Variants in CDH13 observed in about 807,000 individuals in gnomAD.
CDH13 encodes cadherin-13.
A neutral mutation model predicts 63.8 loss-of-function variants in CDH13; 24 were observed. That is an observed-to-expected ratio of 0.38 (90% CI 0.27 to 0.53). The LOEUF is 0.53. CDH13 is among the 20% of genes least tolerant of loss of function. The pLI is 0.85. For missense variants in CDH13, 1,049 were observed against 903.1 expected (o/e 1.16, Z -2.07); for synonymous variants, 503 against 355.3 (o/e 1.42, Z -4.67).
At chr16:83,390,035 G>A (rs1597901308) in intron 6 of CDH13, among the ~76,000 whole-genome samples, 1 of 147,870 alleles carries the variant, frequency 6.8e-6, no homozygotes, top group African/African-American at 2.6e-5. Flanking sequence ...TGCAGCTGGG[G>A]CCTTAGCTAC....
chr16:83,000,431 G>T (rs1306527950), intron 2 of CDH13, among the ~76,000 whole-genome samples: 1 of 150,238 alleles, frequency 6.7e-6, no homozygotes, highest in East Asian at 2.0e-4. Flanking sequence ...TGTATTTGTC[G>T]TAGAGACACG....
intron 5 of CDH13, among the ~76,000 whole-genome samples, chr16:83,241,631 C>T (rs7194115): frequency 0.99 from 150,702 of 152,332 alleles, 74,567 homozygotes; most frequent in Middle Eastern, 1. Context: ...GTATAACTTC[C>T]TTGGAGAATT....
intron 5 of CDH13, among the ~76,000 whole-genome samples, chr16:83,271,956 C>T (rs561413774): frequency 1.3e-5 from 2 of 152,326 alleles, no homozygotes; most frequent in Admixed American, 6.5e-5. Flanking sequence ...TGATCCAATA[C>T]ATCTCACATA....
At chr16:83,078,754 A>G (rs550844418) in intron 3 of CDH13, among the ~76,000 whole-genome samples, 2 of 152,274 alleles carry the variant, frequency 1.3e-5, no homozygotes, top group East Asian at 3.9e-4. Context: ...AATTCTTCCA[A>G]GTGTTTAGCC....
intron 4 of CDH13, among the ~76,000 whole-genome samples, chr16:83,174,361 T>C (rs1010147758): frequency 1.3e-5 from 2 of 152,156 alleles, no homozygotes; most frequent in African/African-American, 4.8e-5. Context: ...TTTTTCTTTT[T>C]AAGAGATTAA....
At chr16:83,526,315 A>T (rs763589826) in intron 7 of CDH13, among the ~76,000 whole-genome samples, 1 of 152,192 alleles carries the variant, frequency 6.6e-6, no homozygotes, top group Non-Finnish European at 1.5e-5. Context: ...TTGTAGCCTC[A>T]ATCAATAGTC....
At chr16:83,350,223 C>T (rs1345899084) in intron 6 of CDH13, among the ~76,000 whole-genome samples, 1 of 152,218 alleles carries the variant, frequency 6.6e-6, no homozygotes, top group Non-Finnish European at 1.5e-5. Flanking sequence ...GTTCGCTCTC[C>T]TGGCTTTTAG....
At chr16:83,106,434 G>T (rs912216144) in intron 3 of CDH13, among the ~76,000 whole-genome samples, 5 of 152,292 alleles carry the variant, frequency 3.3e-5, no homozygotes, top group Non-Finnish European at 7.4e-5. Flanking sequence ...CCAGCTACCT[G>T]GGAGGCTGAG....
intron 3 of CDH13, among the ~76,000 whole-genome samples, chr16:83,093,048 C>G (rs2033997317): frequency 6.6e-6 from 1 of 152,100 alleles, no homozygotes; most frequent in African/African-American, 2.4e-5. Flanking sequence ...TTTTTCTCTT[C>G]TTCATTATTA....
rs530736901 is a variant in CDH13 at position 83,118,038 on chromosome 16, G to A, written c.367-7347G>A. Among the ~76,000 whole-genome samples the A allele has an allele frequency of 3.9e-5, 6 of 152,282 alleles. No homozygotes were observed. The South Asian group carries it at 8.3e-4, about 21-fold the overall frequency. On this transcript the variant is annotated intron_variant, in intron 3 of 13. Transcript: ENST00000567109. ...CCTCCTCTAATAGAATCCAGCATGC[G>A]TGAGGCTCCCTGAAGACACAACACT...
chr16:83,570,344 C>G (rs777133324), intron 7 of CDH13, among the ~76,000 whole-genome samples: 1 of 152,148 alleles, frequency 6.6e-6, no homozygotes, highest in African/African-American at 2.4e-5. Context: ...ATCCCCACCT[C>G]TCACACCTGG....
intron 5 of CDH13, among the ~76,000 whole-genome samples, chr16:83,278,338 T>A (rs1411896303): frequency 1.3e-5 from 2 of 152,182 alleles, no homozygotes; most frequent in African/African-American, 4.8e-5. Flanking sequence ...CATGGGCTCC[T>A]TAAACCAAAG....
In CDH13 at chr16:83,490,598, G is replaced by A. The variant is rs140861272; in HGVS notation, c.960+3943G>A. Among the ~76,000 whole-genome samples, 59 of 152,284 alleles carry A rather than the reference G, an allele frequency of 3.9e-4. No homozygotes were observed. The East Asian group carries it at 8.9e-3, about 23-fold the overall frequency. ...GGCCTATCTGCTTGCACTCACCATAGTCAATGCTCAAACATGCAATTTGTG... is the reference window on the plus strand; with the variant it reads ...GGCCTATCTGCTTGCACTCACCATAATCAATGCTCAAACATGCAATTTGTG... On this transcript the variant is annotated intron_variant, in intron 7 of 13. Transcript: ENST00000567109.
At chr16:83,306,915 G>A (rs1030302272) in intron 5 of CDH13, among the ~76,000 whole-genome samples, 1 of 152,170 alleles carries the variant, frequency 6.6e-6, no homozygotes, top group African/African-American at 2.4e-5. Flanking sequence ...AGACCTATCC[G>A]TAAAGTTGTG....
chr16:82,634,932 G>T (rs966965493), intron 1 of CDH13, among the ~76,000 whole-genome samples: 1 of 152,212 alleles, frequency 6.6e-6, no homozygotes, highest in Admixed American at 6.5e-5. Flanking sequence ...TGTGTGTGCA[G>T]GATACAGTTG....
chr16:83,578,053 T>G (rs1471514091), intron 7 of CDH13, among the ~76,000 whole-genome samples: 1 of 152,240 alleles, frequency 6.6e-6, no homozygotes, highest in Non-Finnish European at 1.5e-5. Context: ...ATTCCCCTAC[T>G]AAGCATTTAT....
intron 6 of CDH13, among the ~76,000 whole-genome samples, chr16:83,408,490 A>T (rs914289718): frequency 1.3e-5 from 2 of 152,190 alleles, no homozygotes; most frequent in Admixed American, 1.3e-4. Context: ...GAATACTGTA[A>T]ACAATTATAA....
At chr16:83,672,409 C>CTTTTTTTTTTTTTTTT (rs34156503) in intron 9 of CDH13, among the ~76,000 whole-genome samples, 1 of 35,140 alleles carries the variant, frequency 2.8e-5, no homozygotes, top group Non-Finnish European at 5.0e-5. Flanking sequence ...TCTGGATTCT[C>CTTTTTTTTTTTTTTTT]TTTTTTTTTT....
At chr16:82,796,179 T>C (rs2036574010) in intron 1 of CDH13, among the ~76,000 whole-genome samples, 1 of 152,098 alleles carries the variant, frequency 6.6e-6, no homozygotes, top group Admixed American at 6.5e-5. Flanking sequence ...ATACAGCCAG[T>C]AAATTGCAAA....
Sources: allele counts gnomAD v4.1 joint callset (sites outside exome capture counted in the v4.1 genomes callset), GRCh38; gene constraint gnomAD v4.1.1; transcripts MANE v1.5; gene names NCBI Gene and HGNC (gene_info 2026-07-23, HGNC 2026-07-21).